USP37: variants seen among roughly 807,000 people sequenced by gnomAD.
The protein encoded by USP37 is ubiquitin specific peptidase 37, also known as ubiquitin carboxyl-terminal hydrolase 37.
In USP37, 27 loss-of-function variants were observed where a neutral mutation model predicts 124.0. The ratio of observed to expected loss-of-function variants is 0.22; its 90% confidence interval spans 0.16 to 0.30. The LOEUF (loss-of-function observed/expected upper bound fraction) is 0.30, where lower values mean the gene tolerates loss of function less well. USP37 is among the 10% of genes least tolerant of loss of function. USP37 has a pLI of 1.00. For missense variants in USP37, 889 were observed against 1,140.4 expected (o/e 0.78, Z 3.17); for synonymous variants, 365 against 388.0 (o/e 0.94, Z 0.70).
At chr2:218,545,658 T>A (rs896618069) in intron 8 of USP37, among the ~76,000 whole-genome samples, 3 of 151,718 alleles carry the variant, frequency 2.0e-5, no homozygotes, top group African/African-American at 7.3e-5. Context: ...GATAACTGTA[T>A]AATTAGTTTT....
At chr2:218,504,907 C>A (rs1689598988) in intron 11 of USP37, among the ~76,000 whole-genome samples, 2 of 151,988 alleles carry the variant, frequency 1.3e-5, no homozygotes, top group Admixed American at 6.6e-5. Flanking sequence ...AAATGGTATC[C>A]TTTGACTCAC....
chr2:218,479,397 CAAT>C (rs934330147), intron 18 of USP37, among the ~76,000 whole-genome samples: 4 of 152,070 alleles, frequency 2.6e-5, no homozygotes, highest in Non-Finnish European at 4.4e-5. Flanking sequence ...TACATATTAA[CAAT>C]AATAAGTTTT....
intron 11 of USP37, among the ~76,000 whole-genome samples, chr2:218,506,967 T>C (rs1314224793): frequency 6.6e-6 from 1 of 151,836 alleles, no homozygotes; most frequent in Non-Finnish European, 1.5e-5. Flanking sequence ...CAGCTAATTT[T>C]TTTGTATTTT....
At chr2:218,487,676 C>T (rs904175977) in intron 15 of USP37, among the ~76,000 whole-genome samples, 23 of 152,082 alleles carry the variant, frequency 1.5e-4, no homozygotes, top group South Asian at 6.2e-4. Context: ...GCCTTGGCCT[C>T]CCAAAGTGCT....
chr2:218,510,721 G>A (rs1021485235), intron 10 of USP37, among the ~76,000 whole-genome samples: 1 of 152,040 alleles, frequency 6.6e-6, no homozygotes, highest in African/African-American at 2.4e-5. Flanking sequence ...TGCTGGGTCC[G>A]GTGGCTCACG....
intron 10 of USP37, among the ~76,000 whole-genome samples, chr2:218,514,852 A>G (rs541878660): frequency 1.3e-5 from 2 of 152,258 alleles, no homozygotes; most frequent in South Asian, 4.1e-4. Flanking sequence ...CTACACATTC[A>G]TTCATTCATT....
At chr2:218,499,824 C>G (rs1238395934) in intron 11 of USP37, among the ~76,000 whole-genome samples, 2 of 152,126 alleles carry the variant, frequency 1.3e-5, no homozygotes, top group Admixed American at 1.3e-4. Context: ...CTCTGTTGTC[C>G]TGGCTGGAGT....
intron 11 of USP37, among the ~76,000 whole-genome samples, chr2:218,506,786 T>G (rs1161931145): frequency 5.9e-5 from 9 of 151,966 alleles, no homozygotes; most frequent in Non-Finnish European, 1.2e-4. Context: ...TCCATTGTCA[T>G]TCTCAGTTTG....
At chr2:218,550,448 T>C (rs1692600551) in intron 5 of USP37, among the ~76,000 whole-genome samples, 2 of 144,452 alleles carry the variant, frequency 1.4e-5, no homozygotes, top group Non-Finnish European at 3.0e-5. Context: ...TTATAATTAA[T>C]TTGGTTAGCC....
At chr2:218,523,659 C>T (rs1264651827) in intron 10 of USP37, among the ~76,000 whole-genome samples, 2 of 152,050 alleles carry the variant, frequency 1.3e-5, no homozygotes, top group Non-Finnish European at 2.9e-5. Context: ...CTCAAGCTAT[C>T]CCCCTGCCTT....
rs757317342 is a variant in USP37 at position 218,476,897 on chromosome 2, G to T, written c.1986C>A (p.Leu662=). 6.2e-7 allele frequency: 1 copy of T among 1,610,456 alleles called. No homozygotes were observed. Among genetic ancestry groups the T allele is most frequent in the South Asian group, 1.1e-5 (1 of 90,416 alleles). The change falls in exon 19 of 26, where the codon CTC becomes CTA. Residue 662 remains leucine, a synonymous_variant. Coordinates refer to ENST00000258399, the MANE Select transcript of USP37 (RefSeq NM_020935.3). The stretch of plus-strand genomic sequence containing the variant: ...CTAACATTTCACAAAGTCTCTGGCT[G>T]AGGGCCACAGAACGTTTTAGCTCAT... ...SEDELKRSVA[L]SQRLCEMLGN... is the part of the protein sequence containing the mutation.
chr2:218,542,990 G>C (rs1692071379), intron 8 of USP37, among the ~76,000 whole-genome samples: 1 of 152,180 alleles, frequency 6.6e-6, no homozygotes, highest in African/African-American at 2.4e-5. Flanking sequence ...GATTAGAAAG[G>C]TGATGACCAT....
intron 20 of USP37, among the ~76,000 whole-genome samples, chr2:218,468,541 A>G (rs1690497072): frequency 6.6e-6 from 1 of 152,022 alleles, no homozygotes; most frequent in Non-Finnish European, 1.5e-5. Flanking sequence ...TTTTCAATAC[A>G]AATACAAGCG....
rs1689476378 is a variant in USP37 at position 218,451,518 on chromosome 2, G to T, written c.*3412C>A. On this transcript the variant is annotated 3_prime_UTR_variant, in exon 26 of 26. Coordinates refer to ENST00000258399, the MANE Select transcript of USP37 (RefSeq NM_020935.3). ...CCTCTTTTCAGTAGATCACAAATGA[G>T]TTTACAAACTACTTTTTTTTCTCTT... The T allele has an allele frequency of 6.6e-6, 1 of 152,032 alleles. No homozygotes were observed. The highest frequency in any genetic ancestry group is 1.5e-5 in the Non-Finnish European group (1 of 68,004). The allele number at this position is 152,032 out of a possible 1,614,324, so 9.4% of individuals were successfully genotyped here.
At chr2:218,555,409 C>A (rs922601244) in intron 4 of USP37, among the ~76,000 whole-genome samples, 4 of 151,942 alleles carry the variant, frequency 2.6e-5, no homozygotes, top group Non-Finnish European at 5.9e-5. Context: ...CAAAGTGGGT[C>A]GTAAAATTAT....
rs1487979301 is a variant in USP37 at position 218,466,052 on chromosome 2, C to CTCTT, written c.2420_2423dup (p.Gln809ArgfsTer24). 1 of 1,612,744 alleles carries CTCTT rather than the reference C, an allele frequency of 6.2e-7. No homozygotes were observed. The highest frequency in any genetic ancestry group is 8.5e-7 in the Non-Finnish European group (1 of 1,179,746). Reference sequence around the variant, plus strand: ...GAGCCAGTGCCTGCTGAAGCTCTTGCTCTTCCCTTTCACGCTCCATATCAT... The same window carrying CTCTT: ...GAGCCAGTGCCTGCTGAAGCTCTTGCTCTTTCTTCCCTTTCACGCTCCATATCAT... On this transcript the variant is annotated frameshift_variant, in exon 21 of 26. Coordinates refer to ENST00000258399, the MANE Select transcript of USP37 (RefSeq NM_020935.3). LOFTEE classifies it high-confidence loss of function.
rs1452300742 is a variant in USP37 at position 218,495,817 on chromosome 2, G to A, written c.1415C>T (p.Thr472Ile). ...SPDISATRAY[T>I]CPVITNLEFE... is the part of the protein sequence containing the mutation. ...CTCCAAATTAGTAATAACAGGGCAA[G>A]TGTATGCTCTGGTAGCTGAAATATC... Residue 472 changes from threonine (T) to isoleucine (I), a missense_variant, in exon 14 of 26, where the codon ACT becomes ATT. Coordinates refer to ENST00000258399, the MANE Select transcript of USP37 (RefSeq NM_020935.3). 2.5e-6 allele frequency: 4 copies of A among 1,613,960 alleles called. No homozygotes were observed. The Admixed American group carries it at 6.7e-5, about 27-fold the overall frequency.
At chr2:218,520,812 A>G (rs2106013923) in intron 10 of USP37, among the ~76,000 whole-genome samples, 1 of 152,330 alleles carries the variant, frequency 6.6e-6, no homozygotes, top group Non-Finnish European at 1.5e-5. Context: ...CATGACATCA[A>G]CTTGGTGAAG....
intron 10 of USP37, among the ~76,000 whole-genome samples, chr2:218,523,310 A>G (rs756533897): frequency 6.6e-6 from 1 of 152,184 alleles, no homozygotes; most frequent in Non-Finnish European, 1.5e-5. Context: ...TATTTGTATT[A>G]CGCTGGTTGA....
Sources: allele counts gnomAD v4.1 joint callset (sites outside exome capture counted in the v4.1 genomes callset), GRCh38; gene constraint gnomAD v4.1.1; transcripts MANE v1.5; gene names NCBI Gene and HGNC (gene_info 2026-07-23, HGNC 2026-07-21).